SLIT2: variants seen among roughly 807,000 people sequenced by gnomAD.
SLIT2 encodes slit guidance ligand 2, also known as slit homolog 2 protein.
A neutral mutation model predicts 185.7 loss-of-function variants in SLIT2; 41 were observed. That is an observed-to-expected ratio of 0.22 (90% CI 0.17 to 0.29). SLIT2 has a LOEUF of 0.29. Ranked by LOEUF, SLIT2 falls within the 10% of genes least tolerant of loss-of-function variation. The pLI is 1.00. For synonymous variants in SLIT2, 693 were observed against 680.2 expected (o/e 1.02, Z -0.29); for missense variants, 1,571 against 1,909.0 (o/e 0.82, Z 3.30).
chr4:20,476,185 A>G (rs1009219998), intron 5 of SLIT2, among the ~76,000 whole-genome samples: 1 of 152,162 alleles, frequency 6.6e-6, no homozygotes, highest in Non-Finnish European at 1.5e-5. Flanking sequence ...CTTTAAAAGC[A>G]TGATTGGCAT....
At chr4:20,409,933 G>GT (rs1048986934) in intron 4 of SLIT2, among the ~76,000 whole-genome samples, 94 of 151,934 alleles carry the variant, frequency 6.2e-4, no homozygotes, top group African/African-American at 2.2e-3. Flanking sequence ...ACTCTTGTAA[G>GT]TTTTTTTAAG....
At chr4:20,286,411 T>C (rs1405427170) in intron 4 of SLIT2, among the ~76,000 whole-genome samples, 1 of 152,138 alleles carries the variant, frequency 6.6e-6, no homozygotes, top group Non-Finnish European at 1.5e-5. Context: ...GTCTTCTCCT[T>C]TCCCTCTCAG....
chr4:20,272,188 G>T (rs962796943), intron 4 of SLIT2, among the ~76,000 whole-genome samples: 1 of 151,430 alleles, frequency 6.6e-6, no homozygotes, highest in Non-Finnish European at 1.5e-5. Flanking sequence ...CTACAGGACA[G>T]TGTAATAAAA....
Position 20,595,797 on chromosome 4 carries a change from GTGAACGGCT to G in SLIT2, c.3284_3292del (p.Val1095_Tyr1098delinsAsp). The G allele has an allele frequency of 6.2e-7, 1 of 1,614,110 alleles. No individual in the cohort carries two copies. Among genetic ancestry groups the G allele is most frequent in the Non-Finnish European group, 8.5e-7 (1 of 1,179,966 alleles). Reference sequence around the variant, plus strand: ...AAACGGAGCCCACTGCACAGATGCAGTGAACGGCTATACGTGCATATGCCCCGAAGGTTA... The same window carrying G: ...AAACGGAGCCCACTGCACAGATGCAGATACGTGCATATGCCCCGAAGGTTA... On this transcript the variant is annotated inframe_deletion, in exon 31 of 37. Transcript: ENST00000504154.
At chr4:20,565,536 A>C (rs1725021058) in intron 26 of SLIT2, among the ~76,000 whole-genome samples, 1 of 152,012 alleles carries the variant, frequency 6.6e-6, no homozygotes. Flanking sequence ...TTTGCCCTTA[A>C]TTGATAAATA....
At chr4:20,598,820 A>T (rs1011449520) in intron 33 of SLIT2, among the ~76,000 whole-genome samples, 2 of 152,142 alleles carry the variant, frequency 1.3e-5, no homozygotes, top group Non-Finnish European at 2.9e-5. Context: ...TTTGAAATAC[A>T]CAACCTCACT....
chr4:20,466,016 G>T (rs1714312162), intron 4 of SLIT2, among the ~76,000 whole-genome samples: 1 of 151,752 alleles, frequency 6.6e-6, no homozygotes, highest in African/African-American at 2.4e-5. Flanking sequence ...AGAAAACATG[G>T]AATTGGCGAA....
chr4:20,573,117 A>G (rs1247085409), intron 29 of SLIT2: 3 of 684,154 alleles, frequency 4.4e-6, no homozygotes, highest in Non-Finnish European at 8.0e-6. Context: ...GCCTTGCTTC[A>G]GCTTGCTCGC....
At chr4:20,520,435 G>A (rs1050417863) in intron 12 of SLIT2, among the ~76,000 whole-genome samples, 1 of 152,166 alleles carries the variant, frequency 6.6e-6, no homozygotes, top group African/African-American at 2.4e-5. Context: ...ATATGCTTTA[G>A]ATACAAAGAT....
At chr4:20,615,400 A>T (rs1486332274) in intron 34 of SLIT2, 1 of 152,174 alleles carries the variant, frequency 6.6e-6, no homozygotes, top group Non-Finnish European at 1.5e-5. Context: ...CTGCATGTAG[A>T]TATTTAGATT....
intron 4 of SLIT2, among the ~76,000 whole-genome samples, chr4:20,336,283 A>G (rs781637784): frequency 2.0e-5 from 3 of 152,170 alleles, no homozygotes; most frequent in Admixed American, 1.3e-4. Context: ...AACCAACCCA[A>G]ATGTCCATCA....
chr4:20,413,990 A>G (rs931241336), intron 4 of SLIT2, among the ~76,000 whole-genome samples: 2 of 152,016 alleles, frequency 1.3e-5, no homozygotes, highest in African/African-American at 4.8e-5. Flanking sequence ...TGAATTTGTC[A>G]TGTTTTGCTA....
intron 4 of SLIT2, among the ~76,000 whole-genome samples, chr4:20,443,582 T>TAAAAAA (rs71653885): frequency 4.8e-5 from 3 of 63,062 alleles, no homozygotes; most frequent in East Asian, 6.3e-4. Context: ...GGAGAAAATC[T>TAAAAAA]AAAAAAAAAA....
intron 26 of SLIT2, chr4:20,554,442 G>A (rs912047539): frequency 7.6e-6 from 3 of 396,762 alleles, no homozygotes; most frequent in African/African-American, 2.1e-5. Flanking sequence ...TTGCTTGTTT[G>A]TATCCCTTTC....
chr4:20,415,915 G>A lies in SLIT2; in HGVS notation c.396-51837G>A, dbSNP rs1727637023. Reference sequence around the variant, plus strand: ...TAGATTATAAATAGTTTGTGAGCGGGGTCTTTGATTTATTAAATTCTTATC... The same window carrying A: ...TAGATTATAAATAGTTTGTGAGCGGAGTCTTTGATTTATTAAATTCTTATC... On this transcript the variant is annotated intron_variant, in intron 4 of 36. Coordinates refer to ENST00000504154, the MANE Select transcript of SLIT2 (RefSeq NM_004787.4). Among the ~76,000 whole-genome samples, 2 of 152,000 alleles carry A rather than the reference G, an allele frequency of 1.3e-5. 1 individual carries two copies. The highest frequency in any genetic ancestry group is 4.2e-4 in the South Asian group (2 of 4,806).
At chr4:20,471,747 T>A (rs1560451864) in intron 5 of SLIT2, among the ~76,000 whole-genome samples, 1 of 152,172 alleles carries the variant, frequency 6.6e-6, no homozygotes, top group Non-Finnish European at 1.5e-5. Context: ...CCCAACAATA[T>A]GAAATTGATG....
chr4:20,267,168 T>C (rs966657778), intron 3 of SLIT2, among the ~76,000 whole-genome samples: 2 of 152,002 alleles, frequency 1.3e-5, no homozygotes, highest in Admixed American at 6.6e-5. Flanking sequence ...CTGCATTTCA[T>C]TGAAATTGTA....
chr4:20,606,529 G>T lies in SLIT2; in HGVS notation c.3693-3484G>T, dbSNP rs1458659691. On this transcript the variant is annotated intron_variant, in intron 33 of 36. Coordinates refer to ENST00000504154, the MANE Select transcript of SLIT2 (RefSeq NM_004787.4). ...ATCATGAACTTTACTGTACTTACCT[G>T]TTAAGAGGTCAAGATGAGGCTTCAT... Among the ~76,000 whole-genome samples, 4 of 151,868 alleles carry T rather than the reference G, an allele frequency of 2.6e-5. No homozygotes were observed. The East Asian group carries it at 5.8e-4, about 22-fold the overall frequency.
intron 18 of SLIT2, 152 bp downstream of exon 18, chr4:20,533,867 C>T (rs1163050654): frequency 1.1e-5 from 7 of 617,466 alleles, no homozygotes; most frequent in South Asian, 2.1e-5. Flanking sequence ...CACACCGCTA[C>T]ACACACACAC....
Sources: allele counts gnomAD v4.1 joint callset (sites outside exome capture counted in the v4.1 genomes callset), GRCh38; gene constraint gnomAD v4.1.1; transcripts MANE v1.5; gene names NCBI Gene and HGNC (gene_info 2026-07-23, HGNC 2026-07-21).